CFAP299: variants seen among roughly 807,000 people sequenced by gnomAD.
CFAP299 encodes the protein cilia and flagella associated protein 299.
A neutral mutation model predicts 27.0 loss-of-function variants in CFAP299; 21 were observed. The ratio of observed to expected loss-of-function variants is 0.78; its 90% confidence interval spans 0.55 to 1.12. CFAP299 has a LOEUF of 1.12. Among genes scored for constraint, CFAP299 ranks in the 50% most tolerant of loss-of-function variants. The pLI, the probability that CFAP299 is intolerant of heterozygous loss-of-function variation, is 0.00. For synonymous variants in CFAP299, 104 were observed against 98.1 expected (o/e 1.06, Z -0.36); for missense variants, 310 against 276.6 (o/e 1.12, Z -0.86).
intron 3 of CFAP299, among the ~76,000 whole-genome samples, chr4:80,587,655 C>T (rs1223717008): frequency 6.6e-6 from 1 of 152,100 alleles, no homozygotes; most frequent in Non-Finnish European, 1.5e-5. Context: ...CGCAGTGGTA[C>T]CATCATGGCT....
At chr4:80,326,366 G>A in the CFAP299 span, among the ~76,000 whole-genome samples, 1 of 152,214 alleles carries the variant, frequency 6.6e-6, no homozygotes, top group Non-Finnish European at 1.5e-5. Flanking sequence ...GGGAATAAAA[G>A]CTAGTGTAAT....
rs539569625 is a variant in CFAP299 at position 80,600,184 on chromosome 4, G to A, written c.333+17001G>A. On this transcript the variant is annotated intron_variant, in intron 3 of 5. Coordinates refer to ENST00000358105, the MANE Select transcript of CFAP299 (RefSeq NM_152770.3). ...AAACAGTTTCTGCAATATATTAGGCGCAAATATGCTTTCTTTCCATGTTAG... is the reference window on the plus strand; with the variant it reads ...AAACAGTTTCTGCAATATATTAGGCACAAATATGCTTTCTTTCCATGTTAG... Among the ~76,000 whole-genome samples, 43 of 152,134 alleles carry A rather than the reference G, an allele frequency of 2.8e-4. 1 individual carries two copies. Among genetic ancestry groups the A allele is most frequent in the South Asian group, 8.3e-4 (4 of 4,818 alleles).
In CFAP299 at chr4:80,545,441, G is replaced by GA. The variant is rs113393922; in HGVS notation, c.243-37643dup. Among the ~76,000 whole-genome samples, 572 of 150,010 alleles carry GA rather than the reference G, an allele frequency of 3.8e-3. 4 individuals are homozygous for GA. The highest frequency in any genetic ancestry group is 4.3e-3 in the African/African-American group (178 of 40,942). On this transcript the variant is annotated intron_variant, in intron 2 of 5. Coordinates refer to ENST00000358105, the MANE Select transcript of CFAP299 (RefSeq NM_152770.3). The stretch of plus-strand genomic sequence containing the variant: ...GTTTATTACAAACCACCCTACAGAA[G>GA]AAAAAAAAACCCTCAGACTATTACA...
chr4:80,799,904 TA>T (rs1314962429), intron 3 of CFAP299, among the ~76,000 whole-genome samples: 1 of 41,448 alleles, frequency 2.4e-5, no homozygotes, highest in Non-Finnish European at 3.9e-5. Flanking sequence ...TTATATATTA[TA>T]ATATAATATA....
At chr4:80,523,850 G>T (rs1733042921) in intron 2 of CFAP299, among the ~76,000 whole-genome samples, 1 of 152,024 alleles carries the variant, frequency 6.6e-6, no homozygotes, top group Non-Finnish European at 1.5e-5. Flanking sequence ...TATGCGTCCT[G>T]TTTCTGGAGA....
Position 80,652,718 on chromosome 4 carries a change from T to A in CFAP299, c.333+69535T>A, listed in dbSNP as rs776792930. ...ACACTGTGTTGACCAACTACACTTC[T>A]CATGTCTCTGTGCTGCCTCTAGTGC... On this transcript the variant is annotated intron_variant, in intron 3 of 5. Coordinates refer to ENST00000358105, the MANE Select transcript of CFAP299 (RefSeq NM_152770.3). Among the ~76,000 whole-genome samples, 3 of 152,106 alleles carry A rather than the reference T, an allele frequency of 2.0e-5. No homozygotes were observed. The South Asian group carries it at 6.2e-4, about 32-fold the overall frequency.
intron 4 of CFAP299, among the ~76,000 whole-genome samples, chr4:80,881,012 G>C (rs115797025): frequency 1.1e-3 from 161 of 152,222 alleles, no homozygotes; most frequent in African/African-American, 3.6e-3. Context: ...TAAACAACTA[G>C]AAATAAAGGA....
At position 80,800,765 on chromosome 4, in the gene CFAP299, G is replaced by A. The variant is rs995134174; in HGVS notation, c.334-69228G>A. On this transcript the variant is annotated intron_variant, in intron 3 of 5. Coordinates refer to ENST00000358105, the MANE Select transcript of CFAP299 (RefSeq NM_152770.3). ...ATAATCAGTGTGTGTGTGTGTGTGT[G>A]TGTATATATATATATGTATACATAT... is the stretch of plus-strand genomic sequence containing the variant. Among the ~76,000 whole-genome samples, 72 of 127,386 alleles carry A rather than the reference G, an allele frequency of 5.7e-4. 1 individual carries two copies. The highest frequency in any genetic ancestry group is 1.5e-3 in the Admixed American group (16 of 10,634). The allele number at this position is 127,386 out of a possible 152,430, so 83.6% of individuals were successfully genotyped here.
chr4:80,950,156 A>G (rs930365242), intron 5 of CFAP299, among the ~76,000 whole-genome samples: 2 of 152,106 alleles, frequency 1.3e-5, no homozygotes, highest in African/African-American at 4.8e-5. Flanking sequence ...GAGAAAGAAC[A>G]TGTGTGTGTG....
At chr4:80,885,087 T>G (rs1733909362) in intron 4 of CFAP299, among the ~76,000 whole-genome samples, 2 of 152,084 alleles carry the variant, frequency 1.3e-5, no homozygotes, top group Admixed American at 6.5e-5. Context: ...TACATTGAAC[T>G]CAGTGCTGCC....
intron 3 of CFAP299, among the ~76,000 whole-genome samples, chr4:80,725,903 C>T (rs536083767): frequency 3.1e-4 from 47 of 152,328 alleles, no homozygotes; most frequent in African/African-American, 1.1e-3. Flanking sequence ...AAAGCCAGTT[C>T]TAACTGTTCC....
intron 3 of CFAP299, among the ~76,000 whole-genome samples, chr4:80,758,221 G>A (rs568897886): frequency 6.6e-6 from 1 of 152,280 alleles, no homozygotes; most frequent in Admixed American, 6.5e-5. Context: ...TTATTGCTGA[G>A]GAAAGTGGCT....
intron 2 of CFAP299, among the ~76,000 whole-genome samples, chr4:80,484,314 C>T (rs972586902): frequency 1.3e-5 from 2 of 152,018 alleles, no homozygotes; most frequent in African/African-American, 4.8e-5. Flanking sequence ...TTGTTCAGAA[C>T]ATTTTCTTGA....
At chr4:80,720,222 G>A (rs1183186735) in intron 3 of CFAP299, among the ~76,000 whole-genome samples, 1 of 152,178 alleles carries the variant, frequency 6.6e-6, no homozygotes, top group Non-Finnish European at 1.5e-5. Flanking sequence ...CTGAGTATCA[G>A]TGATACGTAA....
At chr4:80,614,294 G>A (rs1738158001) in intron 3 of CFAP299, among the ~76,000 whole-genome samples, 1 of 152,144 alleles carries the variant, frequency 6.6e-6, no homozygotes, top group Non-Finnish European at 1.5e-5. Context: ...TAGAAAATAT[G>A]TTCCTGAAAG....
chr4:80,634,436 A>C (rs968011406), intron 3 of CFAP299, among the ~76,000 whole-genome samples: 2 of 151,876 alleles, frequency 1.3e-5, no homozygotes, highest in African/African-American at 2.4e-5. Context: ...TGGAGAAGAC[A>C]GTATTTACCT....
intron 3 of CFAP299, among the ~76,000 whole-genome samples, chr4:80,771,894 G>T (rs1348195847): frequency 6.6e-6 from 1 of 152,168 alleles, no homozygotes; most frequent in African/African-American, 2.4e-5. Flanking sequence ...TAGCTGCAAA[G>T]CAGTCTGTGA....
chr4:80,722,309 C>G (rs1257462847), intron 3 of CFAP299, among the ~76,000 whole-genome samples: 1 of 151,152 alleles, frequency 6.6e-6, no homozygotes, highest in African/African-American at 2.4e-5. Flanking sequence ...CCCAGCTACT[C>G]GGAAGGCTGA....
At chr4:80,542,741 GT>G (rs1050264138) in intron 2 of CFAP299, among the ~76,000 whole-genome samples, 80 of 146,346 alleles carry the variant, frequency 5.5e-4, no homozygotes, top group East Asian at 6.0e-4. Context: ...CATTGCCATA[GT>G]TTTTTTTTTT....
Sources: gnomAD v4.1 joint callset for allele counts (sites outside exome capture counted in the v4.1 genomes callset) on GRCh38, gnomAD v4.1.1 for gene constraint, MANE v1.5 for transcripts, NCBI Gene and HGNC (gene_info 2026-07-23, HGNC 2026-07-21) for gene names.